DAND5: variants seen among roughly 807,000 people sequenced by gnomAD.
DAND5 encodes DAN domain family member 5.
Under a neutral mutation model 9.2 loss-of-function variants are expected in DAND5, and 8 were observed. The observed-to-expected ratio is 0.87, with a 90% CI of 0.51 to 1.56. The LOEUF (loss-of-function observed/expected upper bound fraction) is 1.56, where lower values mean the gene tolerates loss of function less well. Among genes scored for constraint, DAND5 ranks in the 40% most tolerant of loss-of-function variants. The pLI, the probability that DAND5 is intolerant of heterozygous loss-of-function variation, is 0.00. For missense variants in DAND5, 244 were observed against 244.7 expected, an observed-to-expected ratio of 1.00 and a Z score of 0.02; for synonymous variants, 95 against 101.1, an observed-to-expected ratio of 0.94 and a Z score of 0.36.
At chr19:12,970,062 T>A (rs1476598341) in intron 1 of DAND5, 78 bp downstream of exon 1, 4 of 1,553,068 alleles carry the variant, frequency 2.6e-6, no homozygotes, top group Non-Finnish European at 3.5e-6. Context: ...CAAGAAAGAT[T>A]TGGGTTCAAG....
At position 12,969,757 on chromosome 19, in the gene DAND5, T is replaced by C; in HGVS notation, c.97T>C (p.Ser33Pro). Residue 33 changes from serine (S) to proline (P), a missense_variant, in exon 1 of 2, where the codon TCC becomes CCC. Transcript: ENST00000317060. ...RPEPQSPRPQ[S>P]WAAANQTWAL... is the part of the protein sequence containing the mutation. ...TGAACCCCAGTCTCCTCGACCTCAG[T>C]CCTGGGCTGCAGCCAATCAGACCTG... is the stretch of plus-strand genomic sequence containing the variant. 4.4e-6 allele frequency: 7 copies of C among 1,589,818 alleles called. No homozygotes were observed. Among genetic ancestry groups the C allele is most frequent in the Non-Finnish European group, 6.0e-6 (7 of 1,169,268 alleles).
At chr19:12,970,012 G>A (rs374127821) in intron 1 of DAND5, 28 bp downstream of exon 1, 2 of 1,611,114 alleles carry the variant, frequency 1.2e-6, no homozygotes, top group African/African-American at 1.3e-5. Context: ...GGGAGGAGAG[G>A]GCTGGGTCTC....
intron 1 of DAND5, among the ~76,000 whole-genome samples, chr19:12,971,309 C>T (rs951594659): frequency 2.0e-5 from 3 of 151,962 alleles, no homozygotes; most frequent in Non-Finnish European, 4.4e-5. Context: ...GATAGAGTCT[C>T]GCTCTGCTGC....
chr19:12,969,786 T>G lies in DAND5; in HGVS notation c.126T>G (p.Ala42=). Residue 42 remains alanine (A), a synonymous_variant, in exon 1 of 2, where the codon GCT becomes GCG. Transcript: ENST00000317060. The part of the protein sequence containing the change: ...QSWAAANQTW[A]LGPGALPPLV... Reference sequence around the variant, plus strand: ...GGGCTGCAGCCAATCAGACCTGGGCTCTGGGCCCAGGGGCCCTGCCCCCAC... The same window carrying G: ...GGGCTGCAGCCAATCAGACCTGGGCGCTGGGCCCAGGGGCCCTGCCCCCAC... The G allele has an allele frequency of 1.3e-6, 2 of 1,593,530 alleles. No homozygotes were observed. The highest frequency in any genetic ancestry group is 1.7e-6 in the Non-Finnish European group (2 of 1,170,978).
chr19:12,973,364 A>C, intron 1 of DAND5, 25 bp from the exon 2 acceptor site: 1 of 1,610,662 alleles, frequency 6.2e-7, no homozygotes, highest in Non-Finnish European at 8.5e-7. Flanking sequence ...CGCCACCCTG[A>C]CCGTCTCCAT....
intron 1 of DAND5, among the ~76,000 whole-genome samples, chr19:12,971,753 G>A (rs2011146479): frequency 6.6e-6 from 1 of 151,614 alleles, no homozygotes; most frequent in Non-Finnish European, 1.5e-5. Context: ...ACCATGCTCA[G>A]CTAATTTCTG....
At chr19:12,972,062 T>A (rs890014046) in intron 1 of DAND5, among the ~76,000 whole-genome samples, 30 of 148,212 alleles carry the variant, frequency 2.0e-4, no homozygotes, top group African/African-American at 5.1e-4. Context: ...GCTAATATTT[T>A]TTTTTTTTTT....
In DAND5 at chr19:12,969,693, C is replaced by T. The variant is rs750069440; in HGVS notation, c.33C>T (p.Cys11=). The change falls in exon 1 of 2, where the codon TGC becomes TGT. Residue 11 remains cysteine, a synonymous_variant. Coordinates refer to ENST00000317060, the MANE Select transcript of DAND5 (RefSeq NM_152654.3). The stretch of plus-strand genomic sequence containing the variant: ...TTGGCCAGCTATCCACTCTTCTGTG[C>T]CTGCTTAGCGGGGCCCTGCCTACAG... MLLGQLSTLL[C]LLSGALPTGS... 2 of 1,607,428 alleles carry T rather than the reference C, an allele frequency of 1.2e-6. No homozygotes were observed. Among genetic ancestry groups the T allele is most frequent in the South Asian group, 2.2e-5 (2 of 90,032 alleles).
chr19:12,972,085 G>A (rs1674422393), intron 1 of DAND5, among the ~76,000 whole-genome samples: 1 of 147,474 alleles, frequency 6.8e-6, no homozygotes, highest in Admixed American at 6.8e-5. Context: ...TTGAGACGGA[G>A]TCTCGCTCTG....
chr19:12,973,659 G>A lies in DAND5; in HGVS notation c.*25G>A, dbSNP rs375137580. On this transcript the variant is annotated 3_prime_UTR_variant, in exon 2 of 2. Transcript: ENST00000317060. ...AACTGAGCATCGTGGATGGGTGCAC[G>A]GAGACACGCACCTTGGAGAAATGAG... The A allele has an allele frequency of 2.1e-5, 33 of 1,606,176 alleles. No homozygotes were observed. The highest frequency in any genetic ancestry group is 1.7e-4 in the Middle Eastern group (1 of 6,036).
chr19:12,971,066 A>T (rs912649259), intron 1 of DAND5, among the ~76,000 whole-genome samples: 1 of 152,056 alleles, frequency 6.6e-6, no homozygotes, highest in African/African-American at 2.4e-5. Flanking sequence ...ATCCACTTGG[A>T]GGGGATCATA....
chr19:12,971,878 A>ACCACACC (rs2146065125), intron 1 of DAND5, among the ~76,000 whole-genome samples: 1 of 151,724 alleles, frequency 6.6e-6, no homozygotes, highest in East Asian at 1.9e-4. Context: ...GGCGTGAGCC[A>ACCACACC]CCACACCCGG....
chr19:12,970,661 CCTTTCTTTCTTTCTTTTCTCTCTCTCT>C, intron 1 of DAND5: 1 of 424,098 alleles, frequency 2.4e-6, no homozygotes, highest in Non-Finnish European at 3.9e-6. Flanking sequence ...TTCTTTCTTT[CCTTTCTTTCTTTCTTTTCTCTCTCTCT>C]CTTTCTTTTT....
Position 12,974,099 on chromosome 19 carries a change from T to G in DAND5, c.*465T>G, listed in dbSNP as rs186136196. The G allele has an allele frequency of 1.8e-4, 29 of 159,528 alleles. No individual in the cohort carries two copies. In the East Asian group the frequency reaches 4.9e-3, roughly 27 times the overall value. 9.9% of individuals were successfully genotyped at this position (159,528 alleles called of 1,614,324 possible). On this transcript the variant is annotated 3_prime_UTR_variant, in exon 2 of 2. Coordinates refer to ENST00000317060, the MANE Select transcript of DAND5 (RefSeq NM_152654.3). ...GGATGGTCTCTATCTCCTGACCTCG[T>G]GATCTGCCTGCCTTGGCCTTATTAT...
intron 1 of DAND5, among the ~76,000 whole-genome samples, chr19:12,973,153 C>T (rs7248481): frequency 0.42 from 63,113 of 151,990 alleles, 13,456 homozygotes; most frequent in East Asian, 0.66. Flanking sequence ...TGAGCCACCG[C>T]GCCCGGCCCT....
intron 1 of DAND5, among the ~76,000 whole-genome samples, chr19:12,973,072 C>T (rs10406261): frequency 0.017 from 2,639 of 151,750 alleles, 79 homozygotes; most frequent in African/African-American, 0.061. Flanking sequence ...CCGTGTTGGC[C>T]AGGATGGTCT....
intron 1 of DAND5, among the ~76,000 whole-genome samples, chr19:12,972,993 G>C (rs971404289): frequency 2.0e-5 from 3 of 150,640 alleles, no homozygotes; most frequent in African/African-American, 7.3e-5. Flanking sequence ...CTCCCGAGTA[G>C]CTGGGACTAC....
At chr19:12,970,367 C>T in intron 1 of DAND5, 2 of 668,618 alleles carry the variant, frequency 3.0e-6, no homozygotes, top group East Asian at 2.7e-5. Context: ...GATTTCACCT[C>T]CTCCCACTCT....
chr19:12,972,204 G>A (rs1047497755), intron 1 of DAND5, among the ~76,000 whole-genome samples: 6 of 151,708 alleles, frequency 4.0e-5, no homozygotes, highest in African/African-American at 7.3e-5. Flanking sequence ...GACCACAGGC[G>A]CCCACCACCA....
Sources: allele counts gnomAD v4.1 joint callset (sites outside exome capture counted in the v4.1 genomes callset), GRCh38; gene constraint gnomAD v4.1.1; transcripts MANE v1.5; gene names NCBI Gene and HGNC (gene_info 2026-07-23, HGNC 2026-07-21).